THSD4: variants seen among roughly 807,000 people sequenced by gnomAD.
The protein encoded by THSD4 is thrombospondin type-1 domain-containing protein 4.
Under a neutral mutation model 119.0 loss-of-function variants are expected in THSD4, and 69 were observed. That is an observed-to-expected ratio of 0.58 (90% CI 0.48 to 0.71). The LOEUF is 0.71. THSD4 is among the 30% of genes least tolerant of loss of function. The pLI is 0.00. For missense variants in THSD4, 1,393 were observed against 1,391.1 expected (o/e 1.00, Z -0.02); for synonymous variants, 524 against 540.4 (o/e 0.97, Z 0.42).
chr15:71,603,529 T>C (rs1162398727), intron 7 of THSD4, among the ~76,000 whole-genome samples: 1 of 152,166 alleles, frequency 6.6e-6, no homozygotes, highest in Non-Finnish European at 1.5e-5. Flanking sequence ...AGTGGAAGGT[T>C]ACTCCCAAGA....
chr15:71,758,920 G>T (rs973459617), intron 15 of THSD4, among the ~76,000 whole-genome samples: 9 of 152,090 alleles, frequency 5.9e-5, no homozygotes, highest in Admixed American at 1.3e-4. Flanking sequence ...CCATAAAAAT[G>T]TTCCTTTGCC....
chr15:71,460,853 G>A (rs527378745), intron 7 of THSD4, among the ~76,000 whole-genome samples: 13 of 152,074 alleles, frequency 8.5e-5, no homozygotes, highest in South Asian at 4.2e-4. Flanking sequence ...CTGTGTCCCC[G>A]GTTTATACAT....
chr15:71,498,810 CTCAGCCT>C (rs2048066797), intron 7 of THSD4, among the ~76,000 whole-genome samples: 1 of 152,056 alleles, frequency 6.6e-6, no homozygotes, highest in South Asian at 2.1e-4. Context: ...ATCCTCCTAC[CTCAGCCT>C]CCCAAGTAGC....
chr15:71,334,794 T>C (rs1335103285), intron 6 of THSD4, among the ~76,000 whole-genome samples: 2 of 152,206 alleles, frequency 1.3e-5, no homozygotes, highest in African/African-American at 4.8e-5. Context: ...CTCATAGTGC[T>C]CAGAACTGTC....
intron 3 of THSD4, among the ~76,000 whole-genome samples, chr15:71,211,237 T>G (rs150065915): frequency 3.0e-4 from 46 of 152,348 alleles, no homozygotes; most frequent in African/African-American, 1.1e-3. Flanking sequence ...CATATGTTAT[T>G]TATTTTCCTG....
intron 7 of THSD4, among the ~76,000 whole-genome samples, chr15:71,428,465 G>T (rs924358774): frequency 2.0e-5 from 3 of 152,050 alleles, no homozygotes; most frequent in African/African-American, 7.2e-5. Flanking sequence ...TTTAACATAG[G>T]CTGCTTAGCC....
chr15:71,409,284 A>T (rs2140498444), intron 6 of THSD4, among the ~76,000 whole-genome samples: 1 of 152,130 alleles, frequency 6.6e-6, no homozygotes, highest in Admixed American at 6.5e-5. Flanking sequence ...AGGACCCAAA[A>T]CCCTTGCCCA....
chr15:71,251,047 CTG>C (rs1381754334), intron 5 of THSD4, among the ~76,000 whole-genome samples: 2 of 152,168 alleles, frequency 1.3e-5, no homozygotes, highest in African/African-American at 4.8e-5. Flanking sequence ...AATTCACTGA[CTG>C]GAGAATTTCT....
At chr15:71,111,022 G>A (rs776792758), upstream of THSD4, 2 of 1,062,748 alleles carry the variant, frequency 1.9e-6, no homozygotes, top group Non-Finnish European at 2.7e-6. Flanking sequence ...ATGTCCTAAG[G>A]AGAAGCAGCC....
chr15:71,762,176 C>G (rs867572418), intron 15 of THSD4, among the ~76,000 whole-genome samples: 50 of 136,082 alleles, frequency 3.7e-4, no homozygotes, highest in Middle Eastern at 3.5e-3. Flanking sequence ...CACACACACA[C>G]ACAGAGATAG....
At chr15:71,173,625 A>G (rs938996028) in intron 3 of THSD4, among the ~76,000 whole-genome samples, 1 of 150,876 alleles carries the variant, frequency 6.6e-6, no homozygotes, top group Non-Finnish European at 1.5e-5. Context: ...ATTTTTATAC[A>G]TATATATGGA....
At chr15:71,717,729 T>G (rs1027452597) in intron 8 of THSD4, among the ~76,000 whole-genome samples, 2 of 152,080 alleles carry the variant, frequency 1.3e-5, no homozygotes, top group African/African-American at 2.4e-5. Context: ...AATGGGGCCA[T>G]TAAGTGACTG....
At chr15:71,308,231 C>A (rs889662908) in intron 6 of THSD4, among the ~76,000 whole-genome samples, 17 of 152,204 alleles carry the variant, frequency 1.1e-4, no homozygotes, top group African/African-American at 4.1e-4. Context: ...TTGAGGCAGG[C>A]CTTTCTCTGG....
chr15:71,698,123 A>G (rs2052205868), intron 8 of THSD4, among the ~76,000 whole-genome samples: 1 of 152,128 alleles, frequency 6.6e-6, no homozygotes, highest in African/African-American at 2.4e-5. Context: ...CTTGAAAATC[A>G]TTTGGTACTT....
intron 8 of THSD4, among the ~76,000 whole-genome samples, chr15:71,683,959 G>A (rs1416448949): frequency 1.3e-5 from 2 of 152,140 alleles, no homozygotes; most frequent in Non-Finnish European, 2.9e-5. Flanking sequence ...GGACGACAGA[G>A]CAAGACTCCA....
At chr15:71,493,209 G>A (rs937350981) in intron 7 of THSD4, among the ~76,000 whole-genome samples, 1 of 152,228 alleles carries the variant, frequency 6.6e-6, no homozygotes, top group African/African-American at 2.4e-5. Flanking sequence ...CTGGGGTAAT[G>A]TGAGAATGGC....
chr15:71,126,964 A>G (rs73429481), intron 1 of THSD4, among the ~76,000 whole-genome samples: 3,978 of 152,286 alleles, frequency 0.026, 182 homozygotes, highest in African/African-American at 0.089. Flanking sequence ...TACTCTTAGG[A>G]AGTTTGAAAT....
At chr15:71,237,680 C>T (rs2044116707) in intron 4 of THSD4, among the ~76,000 whole-genome samples, 1 of 152,076 alleles carries the variant, frequency 6.6e-6, no homozygotes, top group African/African-American at 2.4e-5. Context: ...TAGCTAGGCA[C>T]ATGGGGTTGA....
At chr15:71,296,901 C>T (rs1298359047) in intron 6 of THSD4, among the ~76,000 whole-genome samples, 1 of 152,166 alleles carries the variant, frequency 6.6e-6, no homozygotes, top group Non-Finnish European at 1.5e-5. Flanking sequence ...AGATTAATAA[C>T]ATCGACATCA....
Sources: allele counts gnomAD v4.1 joint callset (sites outside exome capture counted in the v4.1 genomes callset), GRCh38; gene constraint gnomAD v4.1.1; transcripts MANE v1.5; gene names NCBI Gene and HGNC (gene_info 2026-07-23, HGNC 2026-07-21).